CCDC125: variants seen among roughly 807,000 people sequenced by gnomAD.
The protein encoded by CCDC125 is coiled-coil domain-containing protein 125.
A neutral mutation model predicts 57.4 loss-of-function variants in CCDC125; 43 were observed. The observed-to-expected ratio is 0.75, with a 90% CI of 0.59 to 0.97. CCDC125 has a LOEUF of 0.97. Among genes scored for constraint, CCDC125 ranks in the 50% least tolerant of loss-of-function variants. The pLI is 0.00. For missense variants in CCDC125, 563 were observed against 595.7 expected (o/e 0.95, Z 0.57); for synonymous variants, 187 against 195.2 (o/e 0.96, Z 0.35).
At chr5:69,324,811 G>A (rs542701656) in intron 1 of CCDC125, among the ~76,000 whole-genome samples, 33 of 152,240 alleles carry the variant, frequency 2.2e-4, no homozygotes, top group South Asian at 8.3e-4. Flanking sequence ...CCAGGAGTTC[G>A]AAACCAGCCT....
chr5:69,315,629 G>T (rs1758942699), intron 2 of CCDC125, among the ~76,000 whole-genome samples: 3 of 150,708 alleles, frequency 2.0e-5, no homozygotes, highest in African/African-American at 7.3e-5. Flanking sequence ...ATGGTGGCGG[G>T]CGCCTGTAAT....
chr5:69,321,067 T>C (rs1759944712), intron 1 of CCDC125, among the ~76,000 whole-genome samples: 1 of 152,190 alleles, frequency 6.6e-6, no homozygotes, highest in South Asian at 2.1e-4. Context: ...CACAAAGTCC[T>C]AGTTAGACAG....
chr5:69,313,662 G>T, intron 3 of CCDC125: 1 of 749,744 alleles, frequency 1.3e-6, no homozygotes, highest in Non-Finnish European at 2.5e-6. Flanking sequence ...CTTGACAAAG[G>T]TGGCATAGGG....
rs1452962236 is a variant in CCDC125, at chr5:69,311,166, T to C, written c.405A>G (p.Gln135=). 3.7e-6 allele frequency: 6 copies of C among 1,611,730 alleles called. No homozygotes were observed. The East Asian group carries it at 1.1e-4, about 30-fold the overall frequency. ...CTTCCTCTTTACCTCTGAGTTGTCT[T>C]TGAGATGCCTCAAGTTCAGTTTTTA... The part of the protein sequence containing the change: ...EMLKTELEAS[Q]RQLRGKEEAL... Residue 135 remains glutamine, a synonymous_variant, in exon 4 of 12, where the codon CAA becomes CAG. Transcript: ENST00000396496.
chr5:69,285,279 C>T lies in CCDC125; in HGVS notation c.1230+58G>A, dbSNP rs547953255. Reference sequence around the variant, plus strand: ...TCTGGGCTGCATGCTCCCCACGGACCGTGGGTTGGACAAGCTTGGCTTAAC... The same window carrying T: ...TCTGGGCTGCATGCTCCCCACGGACTGTGGGTTGGACAAGCTTGGCTTAAC... On this transcript the variant is annotated intron_variant, in intron 11 of 11. Transcript: ENST00000396496. 4.9e-5 allele frequency: 78 copies of T among 1,585,712 alleles called. No individual in the cohort carries two copies. In the Middle Eastern group the frequency reaches 3.2e-3, roughly 64 times the overall value.
chr5:69,317,452 G>A (rs1040227842), intron 2 of CCDC125, among the ~76,000 whole-genome samples: 1 of 152,176 alleles, frequency 6.6e-6, no homozygotes, highest in Non-Finnish European at 1.5e-5. Flanking sequence ...GAGGGATGTT[G>A]AAGGATGGGG....
At chr5:69,304,029 G>T (rs1756932409) in intron 6 of CCDC125, 100 bp from the exon 7 acceptor site, 2 of 626,908 alleles carry the variant, frequency 3.2e-6, no homozygotes, top group Admixed American at 3.5e-5. Context: ...TCTAAATATA[G>T]TTTTTCCTAC....
intron 5 of CCDC125, 77 bp downstream of exon 5, chr5:69,307,874 T>C: frequency 1.9e-6 from 2 of 1,078,020 alleles, no homozygotes; most frequent in East Asian, 4.7e-5. Flanking sequence ...GACAGATCCA[T>C]TAGTATGGTG....
chr5:69,286,431 A>C (rs2150311090), intron 10 of CCDC125, among the ~76,000 whole-genome samples: 1 of 150,990 alleles, frequency 6.6e-6, no homozygotes, highest in East Asian at 2.0e-4. Flanking sequence ...ATGGGGTTTC[A>C]CTGTGTTAGC....
Position 69,280,736 on chromosome 5 carries a change from G to C in CCDC125, c.*1993C>G, listed in dbSNP as rs1018290311. The stretch of plus-strand genomic sequence containing the variant: ...CTTTATTCATTTGCTTTATCTTATG[G>C]ATCTCTCCATTTTGTAGAGTATTCC... On this transcript the variant is annotated 3_prime_UTR_variant, in exon 12 of 12. Coordinates refer to ENST00000396496, the MANE Select transcript of CCDC125 (RefSeq NM_176816.5). The C allele has an allele frequency of 1.3e-5, 2 of 152,182 alleles. No homozygotes were observed. The highest frequency in any genetic ancestry group is 4.8e-5 in the African/African-American group (2 of 41,436). The allele number at this position is 152,182 out of a possible 1,614,324, so 9.4% of individuals were successfully genotyped here. A position where few individuals can be genotyped will look rare whatever the true frequency, so the allele number is the denominator to read the frequency against.
chr5:69,307,227 A>G (rs1344587029), intron 5 of CCDC125, among the ~76,000 whole-genome samples: 1 of 152,094 alleles, frequency 6.6e-6, no homozygotes, highest in African/African-American at 2.4e-5. Context: ...CCACTCCTGG[A>G]AATCTTAACT....
chr5:69,282,224 T>C lies in CCDC125; in HGVS notation c.*505A>G, dbSNP rs905198734. On this transcript the variant is annotated 3_prime_UTR_variant, in exon 12 of 12. Transcript: ENST00000396496. ...TAATTTATAAATACAGTAATGTAATTTATAAATAAAATGTCAACACAGAAT... is the reference window on the plus strand; with the variant it reads ...TAATTTATAAATACAGTAATGTAATCTATAAATAAAATGTCAACACAGAAT... 6.6e-6 allele frequency: 1 copy of C among 152,206 alleles called. No homozygotes were observed. The highest frequency in any genetic ancestry group is 6.5e-5 in the Admixed American group (1 of 15,270). 9.4% of individuals were successfully genotyped at this position (152,206 alleles called of 1,614,324 possible). A position where few individuals can be genotyped will look rare whatever the true frequency, so the allele number is the denominator to read the frequency against.
intron 1 of CCDC125, among the ~76,000 whole-genome samples, chr5:69,324,663 C>T (rs560545554): frequency 6.6e-6 from 1 of 152,302 alleles, no homozygotes; most frequent in African/African-American, 2.4e-5. Flanking sequence ...ATGCATTACA[C>T]ATGCAATGCA....
chr5:69,299,207 T>A (rs761488949), intron 8 of CCDC125, among the ~76,000 whole-genome samples: 4 of 152,020 alleles, frequency 2.6e-5, no homozygotes, highest in Non-Finnish European at 5.9e-5. Context: ...CCTCCTGGGT[T>A]CACGCCATTC....
At chr5:69,274,413 T>C in the CCDC125 span, among the ~76,000 whole-genome samples, 1 of 152,148 alleles carries the variant, frequency 6.6e-6, no homozygotes, top group Non-Finnish European at 1.5e-5. Flanking sequence ...GGAGCAAGGA[T>C]AGCTTGAGCC....
At chr5:69,299,960 A>C in intron 8 of CCDC125, 52 bp downstream of exon 8, 1 of 1,344,594 alleles carries the variant, frequency 7.4e-7, no homozygotes, top group Middle Eastern at 1.8e-4. Context: ...GGGAGAAAGA[A>C]AGGAAAGTAG....
Position 69,282,927 on chromosome 5 carries a change from A to AT in CCDC125, c.1337dup (p.Asn446LysfsTer15), listed in dbSNP as rs749636669. ...TGAAAGGGAAATTCTCTTTTATAGG[A>AT]TTTTTTTCTTTATTCTCGTTTGAAG... is the stretch of plus-strand genomic sequence containing the variant. On this transcript the variant is annotated frameshift_variant, in exon 12 of 12. Transcript: ENST00000396496. LOFTEE classifies it low-confidence loss of function (END_TRUNC). 6 of 1,613,902 alleles carry AT rather than the reference A, an allele frequency of 3.7e-6. No individual in the cohort carries two copies. The highest frequency in any genetic ancestry group is 2.2e-5 in the South Asian group (2 of 91,050).
chr5:69,305,776 C>G (rs773489543), intron 6 of CCDC125, among the ~76,000 whole-genome samples: 2 of 152,106 alleles, frequency 1.3e-5, no homozygotes, highest in Admixed American at 6.6e-5. Flanking sequence ...TCAATAAATA[C>G]GAAGGGTGCT....
chr5:69,314,585 C>T (rs904097424), intron 2 of CCDC125, among the ~76,000 whole-genome samples: 1 of 152,034 alleles, frequency 6.6e-6, no homozygotes, highest in Non-Finnish European at 1.5e-5. Flanking sequence ...CTCTAAGGCT[C>T]GCTTGAGGCC....
Sources: gnomAD v4.1 joint callset for allele counts (sites outside exome capture counted in the v4.1 genomes callset) on GRCh38, gnomAD v4.1.1 for gene constraint, MANE v1.5 for transcripts, NCBI Gene and HGNC (gene_info 2026-07-23, HGNC 2026-07-21) for gene names.